The following BMPR1A variants were observed in gnomAD, a reference collection of about 807,000 sequenced individuals.
BMPR1A encodes the protein bone morphogenetic protein receptor type 1A.
In BMPR1A, 7 loss-of-function variants were observed where a neutral mutation model predicts 66.0. That is an observed-to-expected ratio of 0.11 (90% CI 0.06 to 0.20). The LOEUF (loss-of-function observed/expected upper bound fraction) is 0.20. BMPR1A is among the 10% of genes least tolerant of loss of function. The probability of loss-of-function intolerance (pLI) is 1.00; values close to 1 mark genes in which losing one functional copy is unlikely to be tolerated. For missense variants in BMPR1A, 408 were observed against 669.1 expected (o/e 0.61, Z 4.31); for synonymous variants, 200 against 229.7 (o/e 0.87, Z 1.17).
At chr10:86,817,096 A>AT (rs1349061165) in intron 1 of BMPR1A, among the ~76,000 whole-genome samples, 1 of 152,158 alleles carries the variant, frequency 6.6e-6, no homozygotes, top group Non-Finnish European at 1.5e-5. Flanking sequence ...CATACCCCAA[A>AT]TTTATCATTT....
chr10:86,843,795 A>G (rs1340186927), intron 2 of BMPR1A, among the ~76,000 whole-genome samples: 1 of 152,226 alleles, frequency 6.6e-6, no homozygotes, highest in Non-Finnish European at 1.5e-5. Flanking sequence ...TTTTAGTGAA[A>G]TTACTCTAGC....
intron 8 of BMPR1A, among the ~76,000 whole-genome samples, chr10:86,912,941 G>A (rs1843512058): frequency 6.6e-6 from 1 of 151,728 alleles, no homozygotes; most frequent in African/African-American, 2.4e-5. Flanking sequence ...TGGATTCTTG[G>A]TATCAGGGAA....
intron 1 of BMPR1A, among the ~76,000 whole-genome samples, chr10:86,783,323 A>G (rs1841464875): frequency 6.6e-6 from 1 of 152,186 alleles, no homozygotes; most frequent in Non-Finnish European, 1.5e-5. Flanking sequence ...TGTTTTGGCT[A>G]TTTGGGGTCC....
intron 5 of BMPR1A, among the ~76,000 whole-genome samples, chr10:86,893,464 A>G (rs1016563253): frequency 2.0e-5 from 3 of 152,214 alleles, no homozygotes; most frequent in South Asian, 2.1e-4. Context: ...AGTCTCAGCT[A>G]TGTTAGAAAA....
At chr10:86,898,261 CAT>C (rs1022914164) in intron 5 of BMPR1A, among the ~76,000 whole-genome samples, 14 of 145,262 alleles carry the variant, frequency 9.6e-5, no homozygotes, top group African/African-American at 3.5e-4. Flanking sequence ...ATATATATAA[CAT>C]ATATATAAAC....
intron 1 of BMPR1A, among the ~76,000 whole-genome samples, chr10:86,767,113 C>T (rs994710999): frequency 6.6e-6 from 1 of 152,112 alleles, no homozygotes; most frequent in Non-Finnish European, 1.5e-5. Flanking sequence ...TGAGGCACCA[C>T]GCCCGGCCAT....
intron 1 of BMPR1A, among the ~76,000 whole-genome samples, chr10:86,815,544 T>C (rs1365689481): frequency 2.0e-5 from 3 of 152,168 alleles, no homozygotes; most frequent in Non-Finnish European, 2.9e-5. Flanking sequence ...TTATTTGGCT[T>C]GTAGAGGGAC....
chr10:86,857,123 A>T (rs1474437038), intron 2 of BMPR1A, among the ~76,000 whole-genome samples: 1 of 152,146 alleles, frequency 6.6e-6, no homozygotes, highest in Non-Finnish European at 1.5e-5. Flanking sequence ...TGGCCATGTG[A>T]TTGAACTCAA....
intron 5 of BMPR1A, among the ~76,000 whole-genome samples, chr10:86,894,831 A>C (rs145512072): frequency 8.5e-4 from 130 of 152,280 alleles, no homozygotes; most frequent in African/African-American, 3.1e-3. Context: ...GCTGTTACCC[A>C]TATCCCTGGG....
intron 1 of BMPR1A, among the ~76,000 whole-genome samples, chr10:86,757,469 T>C (rs1847894824): frequency 1.3e-5 from 2 of 152,156 alleles, no homozygotes; most frequent in South Asian, 4.1e-4. Context: ...CGTACTTCAG[T>C]TTTGGAAAAC....
intron 1 of BMPR1A, among the ~76,000 whole-genome samples, chr10:86,779,489 TTTGAG>T (rs1266129440): frequency 1.3e-5 from 2 of 152,232 alleles, no homozygotes; most frequent in Non-Finnish European, 2.9e-5. Flanking sequence ...TGTTGAGATG[TTTGAG>T]TTACTTGTAT....
At chr10:86,865,829 A>G (rs912622344) in intron 2 of BMPR1A, among the ~76,000 whole-genome samples, 3 of 152,196 alleles carry the variant, frequency 2.0e-5, no homozygotes, top group African/African-American at 7.2e-5. Context: ...AAAGTCACCT[A>G]CATATTTTTA....
intron 9 of BMPR1A, among the ~76,000 whole-genome samples, chr10:86,918,786 C>T (rs2133586359): frequency 6.6e-6 from 1 of 152,244 alleles, no homozygotes; most frequent in Admixed American, 6.5e-5. Flanking sequence ...CCATGCCCAA[C>T]TAATTTTTGT....
At chr10:86,846,723 A>C (rs11202225) in intron 2 of BMPR1A, among the ~76,000 whole-genome samples, 14,196 of 151,824 alleles carry the variant, frequency 0.094, 798 homozygotes, top group African/African-American at 0.13. Flanking sequence ...CACACACAAA[A>C]AAAATTAACC....
chr10:86,769,608 G>T (rs1841219250), intron 1 of BMPR1A, among the ~76,000 whole-genome samples: 2 of 152,150 alleles, frequency 1.3e-5, no homozygotes, highest in Non-Finnish European at 2.9e-5. Flanking sequence ...TCACAAGTTG[G>T]GGGGAGAAGG....
At chr10:86,879,306 C>T (rs776724640) in intron 3 of BMPR1A, among the ~76,000 whole-genome samples, 4 of 152,222 alleles carry the variant, frequency 2.6e-5, no homozygotes, top group African/African-American at 4.8e-5. Flanking sequence ...TTTCCCCATT[C>T]ACTCACTTCC....
At chr10:86,919,667 T>TAA (rs1843632434) in intron 10 of BMPR1A, among the ~76,000 whole-genome samples, 198 bp downstream of exon 10, 1 of 151,804 alleles carries the variant, frequency 6.6e-6, no homozygotes, top group Admixed American at 6.6e-5. Context: ...TTGATATATA[T>TAA]ATATTTTTTT....
Position 86,926,063 on chromosome 10 carries a change from CAAA to C in BMPR1A, c.*2348_*2350del, listed in dbSNP as rs200091989. The C allele has an allele frequency of 0.056, 9,651 of 172,890 alleles. 679 individuals are homozygous for C. The highest frequency in any genetic ancestry group is 0.17 in the African/African-American group (7,135 of 42,122). The allele number at this position is 172,890 out of a possible 1,614,324, so 10.7% of individuals were successfully genotyped here. On this transcript the variant is annotated 3_prime_UTR_variant, in exon 13 of 13. Transcript: ENST00000372037. ...GAAATGTTCAAATGGTGTGTGGAAG[CAAA>C]AAATTACAGCCAGTATATGAGACCA...
At chr10:86,827,837 T>G (rs1842215577) in intron 1 of BMPR1A, among the ~76,000 whole-genome samples, 1 of 152,152 alleles carries the variant, frequency 6.6e-6, no homozygotes, top group Non-Finnish European at 1.5e-5. Flanking sequence ...ATCTCTCCCT[T>G]CTCCTTAAAG....
Sources: gnomAD v4.1 joint callset for allele counts (sites outside exome capture counted in the v4.1 genomes callset) on GRCh38, gnomAD v4.1.1 for gene constraint, MANE v1.5 for transcripts, NCBI Gene and HGNC (gene_info 2026-07-23, HGNC 2026-07-21) for gene names.